Variants in MGAT4C observed in about 807,000 individuals in gnomAD.
MGAT4C encodes MGAT4 family member C.
MGAT4C carries 19 observed loss-of-function variants against 40.1 expected under a neutral mutation model. That is an observed-to-expected ratio of 0.47 (90% CI 0.33 to 0.70). MGAT4C has a LOEUF of 0.70. Ranked by LOEUF, MGAT4C falls within the 30% of genes least tolerant of loss-of-function variation. The pLI, the probability that MGAT4C is intolerant of heterozygous loss-of-function variation, is 0.02. For missense variants in MGAT4C, 491 were observed against 563.2 expected, an observed-to-expected ratio of 0.87 and a Z score of 1.30; for synonymous variants, 181 against 187.1, an observed-to-expected ratio of 0.97 and a Z score of 0.27.
intron 2 of MGAT4C, among the ~76,000 whole-genome samples, chr12:86,523,603 C>A (rs563415047): frequency 1.7e-4 from 26 of 152,184 alleles, no homozygotes; most frequent in African/African-American, 6.3e-4. Flanking sequence ...TCAATCAGGT[C>A]CATGTAAGAT....
chr12:86,575,862 T>C (rs1031016900), intron 2 of MGAT4C, among the ~76,000 whole-genome samples: 1 of 151,776 alleles, frequency 6.6e-6, no homozygotes, highest in Non-Finnish European at 1.5e-5. Context: ...ATCCTTGTCA[T>C]TTGTTATTGA....
chr12:86,385,277 A>G (rs1956029674), intron 3 of MGAT4C, among the ~76,000 whole-genome samples: 1 of 152,094 alleles, frequency 6.6e-6, no homozygotes, highest in African/African-American at 2.4e-5. Flanking sequence ...TAATATATGC[A>G]TATCATTTCA....
chr12:86,645,398 G>A (rs1021477420), intron 2 of MGAT4C, among the ~76,000 whole-genome samples: 3 of 151,602 alleles, frequency 2.0e-5, no homozygotes, highest in Non-Finnish European at 4.4e-5. Flanking sequence ...TCTCATTAAT[G>A]TTTTCAGAAT....
At chr12:86,188,240 G>C (rs542805573) in intron 1 of MGAT4C, among the ~76,000 whole-genome samples, 46 of 152,150 alleles carry the variant, frequency 3.0e-4, no homozygotes, top group Middle Eastern at 6.8e-3. Flanking sequence ...CTCCAGCATA[G>C]TGATGGTTTT....
At chr12:86,767,679 G>A (rs1459893715) in intron 1 of MGAT4C, among the ~76,000 whole-genome samples, 3 of 152,208 alleles carry the variant, frequency 2.0e-5, no homozygotes, top group South Asian at 2.1e-4. Context: ...TGATCAAGTG[G>A]GCTTCATCCC....
chr12:86,088,969 T>C (rs776716240), intron 1 of MGAT4C, among the ~76,000 whole-genome samples: 18 of 152,016 alleles, frequency 1.2e-4, no homozygotes, highest in Non-Finnish European at 2.2e-4. Flanking sequence ...GAGGTGCACT[T>C]TAGATTTAAG....
At chr12:86,284,672 A>C (rs2136121773) in intron 4 of MGAT4C, among the ~76,000 whole-genome samples, 1 of 152,150 alleles carries the variant, frequency 6.6e-6, no homozygotes, top group African/African-American at 2.4e-5. Flanking sequence ...TGTCTGTATT[A>C]AAGATTTGTT....
At chr12:86,686,853 A>G (rs1950081065) in intron 2 of MGAT4C, among the ~76,000 whole-genome samples, 1 of 152,182 alleles carries the variant, frequency 6.6e-6, no homozygotes, top group Non-Finnish European at 1.5e-5. Flanking sequence ...TCCTCATACA[A>G]TGTGTTAGGG....
intron 4 of MGAT4C, among the ~76,000 whole-genome samples, chr12:86,315,422 G>T (rs1954183401): frequency 6.6e-6 from 1 of 152,124 alleles, no homozygotes; most frequent in African/African-American, 2.4e-5. Flanking sequence ...CTAGAAGAAG[G>T]CCGGGCGCGG....
At chr12:86,771,911 T>C (rs1171570957) in intron 1 of MGAT4C, among the ~76,000 whole-genome samples, 3 of 152,142 alleles carry the variant, frequency 2.0e-5, no homozygotes, top group South Asian at 2.1e-4. Flanking sequence ...ATTTAGCTGA[T>C]AAGATTTGTA....
At chr12:86,296,784 C>G (rs1209772830) in intron 4 of MGAT4C, among the ~76,000 whole-genome samples, 1 of 152,200 alleles carries the variant, frequency 6.6e-6, no homozygotes, top group African/African-American at 2.4e-5. Context: ...CCCTCCACAC[C>G]TCCCTGCAAG....
At chr12:86,760,680 T>G (rs1300909798) in intron 1 of MGAT4C, among the ~76,000 whole-genome samples, 1 of 152,110 alleles carries the variant, frequency 6.6e-6, no homozygotes, top group African/African-American at 2.4e-5. Context: ...CTTAGTAGAA[T>G]GTCCAGGGCA....
chr12:85,987,298 G>A (rs1220969885), intron 3 of MGAT4C, among the ~76,000 whole-genome samples: 1 of 150,826 alleles, frequency 6.6e-6, no homozygotes, highest in African/African-American at 2.4e-5. Context: ...CACTACGCCC[G>A]GCTAATTTTT....
intron 1 of MGAT4C, among the ~76,000 whole-genome samples, chr12:86,073,381 T>A (rs1868987230): frequency 6.6e-6 from 1 of 152,108 alleles, no homozygotes; most frequent in South Asian, 2.1e-4. Context: ...ATACCATAGA[T>A]TGGGGTGCTG....
At chr12:86,189,643 T>A (rs1481646090) in intron 1 of MGAT4C, among the ~76,000 whole-genome samples, 1 of 152,058 alleles carries the variant, frequency 6.6e-6, no homozygotes, top group Non-Finnish European at 1.5e-5. Flanking sequence ...CTTTTATTTC[T>A]TAAAAGCTCT....
At chr12:86,528,401 T>G (rs779211269) in intron 2 of MGAT4C, among the ~76,000 whole-genome samples, 1 of 152,084 alleles carries the variant, frequency 6.6e-6, no homozygotes, top group Non-Finnish European at 1.5e-5. Flanking sequence ...TCATATAAGT[T>G]ATATTTGCTT....
At chr12:86,322,490 TC>T (rs1954419587) in intron 4 of MGAT4C, among the ~76,000 whole-genome samples, 1 of 152,288 alleles carries the variant, frequency 6.6e-6, no homozygotes, top group East Asian at 1.9e-4. Context: ...TAAGTTTCTT[TC>T]TTTTGTTTCT....
intron 2 of MGAT4C, among the ~76,000 whole-genome samples, chr12:86,634,539 T>TTGGAGC (rs1334175322): frequency 3.9e-5 from 6 of 152,106 alleles, no homozygotes; most frequent in African/African-American, 1.4e-4. Flanking sequence ...TGCATTCCTT[T>TTGGAGC]TGGAGCTCAG....
At chr12:86,246,361 T>G (rs999962094) in intron 1 of MGAT4C, among the ~76,000 whole-genome samples, 1 of 151,972 alleles carries the variant, frequency 6.6e-6, no homozygotes, top group Non-Finnish European at 1.5e-5. Flanking sequence ...TAGAGTATCC[T>G]GCAACCTTCT....
Sources: allele counts gnomAD v4.1 joint callset (sites outside exome capture counted in the v4.1 genomes callset), GRCh38; gene constraint gnomAD v4.1.1; transcripts MANE v1.5; gene names NCBI Gene and HGNC (gene_info 2026-07-23, HGNC 2026-07-21).